MROH2B: variants seen among roughly 807,000 people sequenced by gnomAD.
MROH2B encodes the protein maestro heat like repeat family member 2B.
MROH2B carries 177 observed loss-of-function variants against 208.6 expected under a neutral mutation model. That is an observed-to-expected ratio of 0.85 (90% CI 0.75 to 0.96). The LOEUF is 0.96. Ranked by LOEUF, MROH2B falls within the 40% of genes least tolerant of loss-of-function variation. The probability of loss-of-function intolerance (pLI) is 0.00; values close to 1 mark genes in which losing one functional copy is unlikely to be tolerated. For missense variants in MROH2B, 2,002 were observed against 1,878.7 expected (o/e 1.07, Z -1.21); for synonymous variants, 728 against 659.0 (o/e 1.10, Z -1.60).
At chr5:41,033,708 G>T (rs900100278) in intron 22 of MROH2B, 130 bp downstream of exon 22, 21 of 732,004 alleles carry the variant, frequency 2.9e-5, no homozygotes, top group Non-Finnish European at 4.2e-5. Flanking sequence ...GAATTGGATT[G>T]TTACATGTTG....
At chr5:41,020,074 T>C (rs979239303) in intron 24 of MROH2B, among the ~76,000 whole-genome samples, 2 of 152,180 alleles carry the variant, frequency 1.3e-5, no homozygotes, top group Non-Finnish European at 2.9e-5. Flanking sequence ...TCTAGCCTCA[T>C]AAGCTCGTGA....
chr5:41,053,675 G>C (rs1244299114), intron 11 of MROH2B, among the ~76,000 whole-genome samples: 1 of 152,120 alleles, frequency 6.6e-6, no homozygotes, highest in African/African-American at 2.4e-5. Context: ...TGCCTGGGGA[G>C]TTGGCCTTCC....
chr5:41,038,822 G>GGGC lies in MROH2B; in HGVS notation c.2125_2127dup (p.Ala709dup), dbSNP rs1390539076. The GGGC allele has an allele frequency of 1.2e-6, 2 of 1,613,314 alleles. No homozygotes were observed. The highest frequency in any genetic ancestry group is 2.7e-5 in the African/African-American group (2 of 74,858). The stretch of plus-strand genomic sequence containing the variant: ...AGAAGTTGCTTCTTGGGAGCATGGA[G>GGGC]GGCCACTGCTCCATAGATGACCATG... On this transcript the variant is annotated inframe_insertion, in exon 21 of 42. Coordinates refer to ENST00000399564, the MANE Select transcript of MROH2B (RefSeq NM_173489.5).
rs562760636 is a variant in MROH2B, at chr5:41,070,399, G to A, written c.28+426C>T. Among the ~76,000 whole-genome samples, 10 of 152,278 alleles carry A rather than the reference G, an allele frequency of 6.6e-5. No homozygotes were observed. The South Asian group carries it at 1.7e-3, about 25-fold the overall frequency. Reference sequence around the variant, plus strand: ...TTCAAGCTACATGGCAAGTTGGTAGGAGAAATACTTTTGGAGATGAAGATT... The same window carrying A: ...TTCAAGCTACATGGCAAGTTGGTAGAAGAAATACTTTTGGAGATGAAGATT... On this transcript the variant is annotated intron_variant, in intron 1 of 41. Transcript: ENST00000399564.
rs1743165725 is a variant in MROH2B at position 41,047,765 on chromosome 5, C to A, written c.1685-1G>T. 6.3e-7 allele frequency: 1 copy of A among 1,585,558 alleles called. No individual in the cohort carries two copies. The highest frequency in any genetic ancestry group is 1.3e-5 in the African/African-American group (1 of 74,404). ...CATAGAACGGTACTGATGTTCTTTC[C>A]TAGAAACAAAAATTGATGTAATAAT... On this transcript the variant is annotated splice_acceptor_variant, in intron 16 of 41. Transcript: ENST00000399564. LOFTEE classifies it high-confidence loss of function.
At chr5:41,052,349 T>C in intron 12 of MROH2B, 116 bp downstream of exon 12, 5 of 987,588 alleles carry the variant, frequency 5.1e-6, no homozygotes, top group Middle Eastern at 2.4e-4. Context: ...TATTTATTTA[T>C]TTTTTACTCT....
chr5:41,031,836 G>C (rs1164190138), intron 24 of MROH2B, among the ~76,000 whole-genome samples: 1 of 151,946 alleles, frequency 6.6e-6, no homozygotes, highest in East Asian at 1.9e-4. Context: ...AGTGGTATTT[G>C]GTTTTCCTGC....
At chr5:41,008,909 G>A (rs189997733) in intron 32 of MROH2B, 116 bp from the exon 33 acceptor site, 33 of 1,090,598 alleles carry the variant, frequency 3.0e-5, no homozygotes, top group South Asian at 1.5e-4. Flanking sequence ...AGAAAAGGGA[G>A]GGTTTATTGT....
At chr5:40,999,847 A>T (rs1741329632) in intron 39 of MROH2B, 68 bp from the exon 40 acceptor site, 4 of 1,425,246 alleles carry the variant, frequency 2.8e-6, no homozygotes, top group Non-Finnish European at 3.9e-6. Context: ...GGCATCCTAT[A>T]GGTCCTCAGA....
At chr5:41,023,712 A>G (rs1403713892) in intron 24 of MROH2B, among the ~76,000 whole-genome samples, 1 of 152,136 alleles carries the variant, frequency 6.6e-6, no homozygotes, top group African/African-American at 2.4e-5. Context: ...GAGAAGAGCA[A>G]CTCCAAGACA....
chr5:41,005,294 C>T, intron 35 of MROH2B: 3 of 536,794 alleles, frequency 5.6e-6, no homozygotes, highest in Non-Finnish European at 6.6e-6. Flanking sequence ...ATTTATTGTC[C>T]CCCTTTCTCT....
At chr5:41,069,239 T>A (rs1743906254) in intron 2 of MROH2B, among the ~76,000 whole-genome samples, 1 of 152,204 alleles carries the variant, frequency 6.6e-6, no homozygotes, top group Admixed American at 6.5e-5. Flanking sequence ...AAGTGTTCGA[T>A]GAAGGGCAGT....
intron 24 of MROH2B, among the ~76,000 whole-genome samples, chr5:41,027,574 C>A (rs920545783): frequency 5.9e-5 from 9 of 152,180 alleles, no homozygotes; most frequent in Non-Finnish European, 1.0e-4. Context: ...AATAGGAACA[C>A]TTTTACACTG....
chr5:41,057,950 G>A, intron 7 of MROH2B, 113 bp downstream of exon 7: 2 of 1,014,150 alleles, frequency 2.0e-6, no homozygotes, highest in South Asian at 3.1e-5. Flanking sequence ...GATATTGAAA[G>A]TCAGCTGCCC....
rs754976550 is a variant in MROH2B at position 41,057,185 on chromosome 5, G to T, written c.850-7C>A. The T allele has an allele frequency of 6.2e-7, 1 of 1,613,716 alleles. No homozygotes were observed. The highest frequency in any genetic ancestry group is 1.1e-5 in the South Asian group (1 of 91,036). ...GCTCTGGAGCTCTGCAGATCTGAAT[G>T]GGGGTGGAAATCAGGTGGTAGATGT... On this transcript the variant is annotated splice_polypyrimidine_tract_variant and splice_region_variant and intron_variant, in intron 8 of 41. Transcript: ENST00000399564.
At position 41,049,113 on chromosome 5, in the gene MROH2B, C is replaced by T. The variant is rs1253509674; in HGVS notation, c.1530G>A (p.Leu510=). ...GTAACTCACTCACCAGAAGTCTGGC[C>T]AGTAGCTGCTGTGGTGAAGGAAGTT... ...AVKLPSPQQL[L]ARLLVISMPA... Residue 510 remains leucine, a synonymous_variant, in exon 15 of 42, where the codon CTG becomes CTA. Transcript: ENST00000399564. 3 of 1,598,798 alleles carry T rather than the reference C, an allele frequency of 1.9e-6. No individual in the cohort carries two copies. The highest frequency in any genetic ancestry group is 1.7e-5 in the Admixed American group (1 of 57,680).
At chr5:41,004,673 G>C in intron 36 of MROH2B, 101 bp downstream of exon 36, 1 of 1,533,592 alleles carries the variant, frequency 6.5e-7, no homozygotes, top group Non-Finnish European at 8.7e-7. Flanking sequence ...AATGTATCTG[G>C]ATTTCCAATT....
intron 2 of MROH2B, 21 bp from the exon 3 acceptor site, chr5:41,067,239 AC>A (rs1358405866): frequency 7.0e-7 from 1 of 1,426,344 alleles, no homozygotes; most frequent in African/African-American, 1.4e-5. Context: ...ACAAAGGCAT[AC>A]ACAGAAATTT....
At chr5:41,005,424 CCT>C in intron 35 of MROH2B, 105 bp downstream of exon 35, 2 of 259,696 alleles carry the variant, frequency 7.7e-6, no homozygotes, top group South Asian at 8.1e-5. Flanking sequence ...CCCCCCCCCC[CCT>C]TGAAGTCTCT....
Sources: allele counts gnomAD v4.1 joint callset (sites outside exome capture counted in the v4.1 genomes callset), GRCh38; gene constraint gnomAD v4.1.1; transcripts MANE v1.5; gene names NCBI Gene and HGNC (gene_info 2026-07-23, HGNC 2026-07-21).